The following DNAAF4 variants were observed in gnomAD, a reference collection of about 807,000 sequenced individuals.
DNAAF4 encodes dynein axonemal assembly factor 4, also known as dynein assembly factor 4, axonemal.
In DNAAF4, 43 loss-of-function variants were observed where a neutral mutation model predicts 51.8. The ratio of observed to expected loss-of-function variants is 0.83; its 90% confidence interval spans 0.65 to 1.07. The LOEUF (loss-of-function observed/expected upper bound fraction) is 1.07. Ranked by LOEUF, DNAAF4 falls within the 50% of genes least tolerant of loss-of-function variation. The probability of loss-of-function intolerance (pLI) is 0.00; values close to 1 mark genes in which losing one functional copy is unlikely to be tolerated. For synonymous variants in DNAAF4, 194 were observed against 165.6 expected (o/e 1.17, Z -1.32); for missense variants, 581 against 493.0 (o/e 1.18, Z -1.69).
At chr15:55,471,554 C>T (rs913994640) in intron 4 of DNAAF4, among the ~76,000 whole-genome samples, 15 of 151,722 alleles carry the variant, frequency 9.9e-5, no homozygotes, top group Admixed American at 8.5e-4. Flanking sequence ...CACTCTGTCG[C>T]CCAGGCTGGA....
chr15:55,442,826 T>C (rs1331510989), intron 6 of DNAAF4: 7 of 1,612,848 alleles, frequency 4.3e-6, no homozygotes, highest in Non-Finnish European at 5.9e-6. Context: ...AGATTGGCAG[T>C]CATGACGATT....
chr15:55,506,948 C>G (rs979965138), intron 1 of DNAAF4, among the ~76,000 whole-genome samples: 4 of 152,104 alleles, frequency 2.6e-5, no homozygotes, highest in African/African-American at 9.7e-5. Flanking sequence ...CTCCCAGGTT[C>G]AAGCGATTCT....
In DNAAF4 at chr15:55,501,263, C is replaced by T. The variant is rs2058696296; in HGVS notation, c.-255-2679G>A. Reference sequence around the variant, plus strand: ...ATTTTTAGTAGGGACGGGGTTTCACCGTATTGGCCAAGATGGTCTCGATCT... The same window carrying T: ...ATTTTTAGTAGGGACGGGGTTTCACTGTATTGGCCAAGATGGTCTCGATCT... On this transcript the variant is annotated intron_variant, in intron 1 of 9. Transcript: ENST00000321149. Among the ~76,000 whole-genome samples the T allele has an allele frequency of 3.3e-5, 5 of 151,758 alleles. No homozygotes were observed. The South Asian group carries it at 8.3e-4, about 25-fold the overall frequency.
At chr15:55,423,115 T>G (rs921820199) in intron 7 of DNAAF4, among the ~76,000 whole-genome samples, 5 of 151,602 alleles carry the variant, frequency 3.3e-5, no homozygotes, top group African/African-American at 1.2e-4. Flanking sequence ...TTTAAGTAGT[T>G]TTGCTGCACA....
At chr15:55,484,502 A>C (rs1433266246) in intron 4 of DNAAF4, among the ~76,000 whole-genome samples, 2 of 151,836 alleles carry the variant, frequency 1.3e-5, no homozygotes, top group East Asian at 1.9e-4. Flanking sequence ...AAAAAAAAAA[A>C]AACAGAATTA....
At chr15:55,486,457 G>C (rs1000160859) in intron 4 of DNAAF4, among the ~76,000 whole-genome samples, 1 of 152,052 alleles carries the variant, frequency 6.6e-6, no homozygotes, top group Non-Finnish European at 1.5e-5. Context: ...GCCTTCCAAA[G>C]TGCTGGGATT....
chr15:55,419,720 G>T (rs1411686514), intron 7 of DNAAF4, among the ~76,000 whole-genome samples: 1 of 152,146 alleles, frequency 6.6e-6, no homozygotes, highest in Non-Finnish European at 1.5e-5. Flanking sequence ...ATATTGGCCG[G>T]GTGCGGTGGC....
At chr15:55,490,183 A>AT (rs2058551673) in intron 4 of DNAAF4, among the ~76,000 whole-genome samples, 1 of 152,010 alleles carries the variant, frequency 6.6e-6, no homozygotes, top group African/African-American at 2.4e-5. Flanking sequence ...TGAGATAAGA[A>AT]TTTTTTTGTA....
chr15:55,488,254 C>T (rs1198149141), intron 4 of DNAAF4, among the ~76,000 whole-genome samples: 1 of 151,886 alleles, frequency 6.6e-6, no homozygotes. Context: ...TTAGGGTAGC[C>T]CAAGCAGAAT....
intron 6 of DNAAF4, 89 bp from the exon 7 acceptor site, chr15:55,439,670 T>C: frequency 7.7e-6 from 9 of 1,167,700 alleles, no homozygotes; most frequent in Admixed American, 2.3e-5. Context: ...CTCCAGTGGA[T>C]TGAAATATTA....
intron 4 of DNAAF4, among the ~76,000 whole-genome samples, chr15:55,473,263 G>GTATATATGTGTATATATATGTGTA: frequency 9.3e-6 from 1 of 107,180 alleles, no homozygotes; most frequent in South Asian, 3.3e-4. Context: ...ATATATATGT[G>GTATATATGTGTATATATATGTGTA]TATATATGTG....
intron 7 of DNAAF4, among the ~76,000 whole-genome samples, chr15:55,436,883 C>T (rs1207382390): frequency 6.6e-5 from 10 of 151,734 alleles, no homozygotes; most frequent in Admixed American, 6.6e-5. Context: ...TGCAGTGGCA[C>T]GATCTCGATT....
intron 5 of DNAAF4, among the ~76,000 whole-genome samples, chr15:55,451,922 GTAAATAATATTTT>G (rs2057938789): frequency 6.6e-6 from 1 of 152,006 alleles, no homozygotes; most frequent in Non-Finnish European, 1.5e-5. Context: ...CACCCAGCCT[GTAAATAATATTTT>G]TAAATAGTAA....
At chr15:55,501,372 CTTTCT>C (rs1340906958) in intron 1 of DNAAF4, among the ~76,000 whole-genome samples, 2 of 126,662 alleles carry the variant, frequency 1.6e-5, no homozygotes, top group African/African-American at 6.2e-5. Context: ...GGATTTCTTT[CTTTCT>C]TTTTTTTTTT....
rs199578998 is a variant in DNAAF4 at position 55,444,692 on chromosome 15, TC to T, written c.784-5112del. ...TCTATCCATGAGCTTGGAATGTTCT[TC>T]CATTTGTTTGTGTCCTCTTTTATTT... On this transcript the variant is annotated intron_variant, in intron 6 of 9. Coordinates refer to ENST00000321149, the MANE Select transcript of DNAAF4 (RefSeq NM_130810.4). Among the ~76,000 whole-genome samples, 1,143 of 152,346 alleles carry T rather than the reference TC, an allele frequency of 7.5e-3. 29 individuals carry two copies. The East Asian group carries it at 0.083, about 11-fold the overall frequency.
In DNAAF4 at chr15:55,497,694, T is replaced by A; in HGVS notation, c.271+18A>T. ...GAAAAGGTACAACCAGATGAACATC[T>A]TTTAATAAAGAACTTACCACCCGTC... On this transcript the variant is annotated intron_variant, in intron 3 of 9. Transcript: ENST00000321149. 6.3e-7 allele frequency: 1 copy of A among 1,589,540 alleles called. No homozygotes were observed. The highest frequency in any genetic ancestry group is 1.2e-5 in the South Asian group (1 of 86,916).
intron 9 of DNAAF4, among the ~76,000 whole-genome samples, chr15:55,431,784 G>A (rs1243233697): frequency 6.6e-6 from 1 of 150,908 alleles, no homozygotes; most frequent in African/African-American, 2.4e-5. Context: ...AGCCTATCAT[G>A]TATTTTTTTT....
chr15:55,446,268 C>T (rs551521138), intron 6 of DNAAF4, among the ~76,000 whole-genome samples: 29 of 96,778 alleles, frequency 3.0e-4, no homozygotes, highest in African/African-American at 9.4e-4. Context: ...ACGGGGCGGC[C>T]GGGCAGAGGC....
intron 5 of DNAAF4, among the ~76,000 whole-genome samples, chr15:55,461,902 A>G (rs2058099321): frequency 6.6e-6 from 1 of 152,210 alleles, no homozygotes; most frequent in African/African-American, 2.4e-5. Flanking sequence ...ATTAACCCAG[A>G]AAAGAATAAG....
Sources: gnomAD v4.1 joint callset for allele counts (sites outside exome capture counted in the v4.1 genomes callset) on GRCh38, gnomAD v4.1.1 for gene constraint, MANE v1.5 for transcripts, NCBI Gene and HGNC (gene_info 2026-07-23, HGNC 2026-07-21) for gene names.